The following RABGAP1L variants were observed in gnomAD, a reference collection of about 807,000 sequenced individuals.
RABGAP1L encodes RAB GTPase activating protein 1 like.
In RABGAP1L, 63 loss-of-function variants were observed where a neutral mutation model predicts 137.7. The ratio of observed to expected loss-of-function variants is 0.46; its 90% CI spans 0.37 to 0.56. RABGAP1L has a LOEUF of 0.56. RABGAP1L is among the 20% of genes least tolerant of loss of function. The probability of loss-of-function intolerance (pLI) is 0.00; values close to 1 mark genes in which losing one functional copy is unlikely to be tolerated. For synonymous variants in RABGAP1L, 431 were observed against 433.7 expected, an observed-to-expected ratio of 0.99 and a Z score of 0.08; for missense variants, 1,095 against 1,244.0, an observed-to-expected ratio of 0.88 and a Z score of 1.80.
intron 19 of RABGAP1L, among the ~76,000 whole-genome samples, chr1:174,903,460 T>C (rs1487207483): frequency 6.6e-6 from 1 of 152,266 alleles, no homozygotes; most frequent in Non-Finnish European, 1.5e-5. Context: ...TCTGCTGTTC[T>C]ATTTGGGTAT....
chr1:174,489,486 C>T (rs1231339477), intron 13 of RABGAP1L, among the ~76,000 whole-genome samples: 2 of 152,058 alleles, frequency 1.3e-5, no homozygotes, highest in Non-Finnish European at 2.9e-5. Flanking sequence ...GAGATACCAT[C>T]TCACACCAGT....
chr1:174,339,529 TA>T (rs1458274146), intron 11 of RABGAP1L, among the ~76,000 whole-genome samples: 11 of 152,210 alleles, frequency 7.2e-5, no homozygotes, highest in East Asian at 5.8e-4. Context: ...ATCATAAGAA[TA>T]TTTTTTTATA....
chr1:174,203,516 A>G (rs1668283909), intron 1 of RABGAP1L, among the ~76,000 whole-genome samples: 1 of 152,150 alleles, frequency 6.6e-6, no homozygotes, highest in African/African-American at 2.4e-5. Flanking sequence ...GTAGCCCTGT[A>G]GTATAGTTTG....
chr1:174,878,397 T>G (rs962241850), intron 19 of RABGAP1L, among the ~76,000 whole-genome samples: 9 of 152,112 alleles, frequency 5.9e-5, no homozygotes, highest in African/African-American at 2.2e-4. Flanking sequence ...TGGCTAATTT[T>G]GTATTTTTAG....
chr1:174,375,613 A>C (rs1036435675), intron 12 of RABGAP1L, among the ~76,000 whole-genome samples: 1 of 152,186 alleles, frequency 6.6e-6, no homozygotes, highest in Non-Finnish European at 1.5e-5. Flanking sequence ...GCTTAGGTGA[A>C]ATCGACAAAC....
At chr1:174,842,890 C>T (rs948315848) in intron 19 of RABGAP1L, among the ~76,000 whole-genome samples, 1 of 152,088 alleles carries the variant, frequency 6.6e-6, no homozygotes, top group Admixed American at 6.6e-5. Flanking sequence ...TTTTCTATTT[C>T]CATGTTAAAT....
At chr1:174,969,491 G>A (rs1669948478) in intron 21 of RABGAP1L, 104 bp downstream of exon 21, 3 of 832,996 alleles carry the variant, frequency 3.6e-6, no homozygotes, top group South Asian at 3.2e-5. Context: ...TTGTTCTTGA[G>A]GAATGGACAA....
chr1:174,345,978 AT>A (rs1558150118), intron 11 of RABGAP1L, among the ~76,000 whole-genome samples: 1 of 152,100 alleles, frequency 6.6e-6, no homozygotes, highest in African/African-American at 2.4e-5. Flanking sequence ...GTTTATCAAA[AT>A]TTTTTAAGCA....
chr1:174,647,201 C>A (rs1441827157), intron 14 of RABGAP1L, among the ~76,000 whole-genome samples: 1 of 152,026 alleles, frequency 6.6e-6, no homozygotes, highest in Admixed American at 6.6e-5. Context: ...CCCTTTATTT[C>A]TTTCTCTTGC....
At chr1:174,934,386 C>T (rs555934159) in intron 19 of RABGAP1L, among the ~76,000 whole-genome samples, 2 of 152,022 alleles carry the variant, frequency 1.3e-5, no homozygotes, top group South Asian at 2.1e-4. Context: ...CACGCCCGGC[C>T]GAAAGTTGTA....
At chr1:174,534,597 T>G (rs1572207559) in intron 13 of RABGAP1L, among the ~76,000 whole-genome samples, 1 of 151,506 alleles carries the variant, frequency 6.6e-6, no homozygotes. Flanking sequence ...GCCAACATGG[T>G]GAAACCCCGT....
intron 7 of RABGAP1L, among the ~76,000 whole-genome samples, chr1:174,260,913 T>G (rs1339606961): frequency 1.3e-5 from 2 of 152,100 alleles, no homozygotes; most frequent in Admixed American, 6.6e-5. Flanking sequence ...TTTTTTTTTT[T>G]GCCAAGTATT....
intron 13 of RABGAP1L, among the ~76,000 whole-genome samples, chr1:174,524,382 T>C (rs1221677555): frequency 2.6e-5 from 4 of 152,134 alleles, no homozygotes; most frequent in Non-Finnish European, 5.9e-5. Context: ...CTGGTTTCGA[T>C]TTGCATTTCC....
intron 19 of RABGAP1L, among the ~76,000 whole-genome samples, chr1:174,813,577 GA>G (rs1375949587): frequency 6.6e-6 from 1 of 152,120 alleles, no homozygotes; most frequent in East Asian, 1.9e-4. Context: ...TAACTGGGCA[GA>G]AAAAAATTAT....
intron 14 of RABGAP1L, among the ~76,000 whole-genome samples, chr1:174,678,735 T>G (rs1271061017): frequency 6.6e-6 from 1 of 152,140 alleles, no homozygotes; most frequent in Admixed American, 6.5e-5. Flanking sequence ...AGAAATGGAA[T>G]TTTGGGCCAT....
intron 13 of RABGAP1L, among the ~76,000 whole-genome samples, chr1:174,539,396 A>G (rs1665169863): frequency 1.3e-5 from 2 of 151,920 alleles, no homozygotes; most frequent in African/African-American, 4.8e-5. Context: ...GTACCCATTA[A>G]CTTGTCATTT....
chr1:174,242,165 G>C (rs898120896), intron 5 of RABGAP1L, among the ~76,000 whole-genome samples: 1 of 152,128 alleles, frequency 6.6e-6, no homozygotes, highest in Admixed American at 6.5e-5. Flanking sequence ...CAGAGAACTG[G>C]CTTAAATAAA....
chr1:174,819,472 G>A (rs896659909), intron 19 of RABGAP1L, among the ~76,000 whole-genome samples: 2 of 152,132 alleles, frequency 1.3e-5, no homozygotes, highest in Non-Finnish European at 2.9e-5. Flanking sequence ...GGAATTCACA[G>A]TGTTAATTTA....
intron 1 of RABGAP1L, among the ~76,000 whole-genome samples, chr1:174,206,991 G>A (rs1668549046): frequency 6.6e-6 from 1 of 152,046 alleles, no homozygotes; most frequent in Non-Finnish European, 1.5e-5. Context: ...TATTTATTGA[G>A]CTCCTTTGAG....
Sources: gnomAD v4.1 joint callset for allele counts (sites outside exome capture counted in the v4.1 genomes callset) on GRCh38, gnomAD v4.1.1 for gene constraint, MANE v1.5 for transcripts, NCBI Gene and HGNC (gene_info 2026-07-23, HGNC 2026-07-21) for gene names.